Variants in CPNE4 observed in about 807,000 individuals in gnomAD.
CPNE4 encodes copine-4.
In CPNE4, 25 loss-of-function variants were observed where a neutral mutation model predicts 67.9. That is an observed-to-expected ratio of 0.37 (90% confidence interval 0.27 to 0.51). CPNE4 has a LOEUF of 0.51. Among genes scored for constraint, CPNE4 ranks in the 20% least tolerant of loss-of-function variants. The pLI is 0.93. For missense variants in CPNE4, 464 were observed against 690.8 expected, an observed-to-expected ratio of 0.67 and a Z score of 3.68; for synonymous variants, 242 against 244.9, an observed-to-expected ratio of 0.99 and a Z score of 0.11.
chr3:131,560,245 A>G (rs1286950881), intron 11 of CPNE4, among the ~76,000 whole-genome samples: 1 of 152,042 alleles, frequency 6.6e-6, no homozygotes, highest in Non-Finnish European at 1.5e-5. Context: ...ATTTACAATG[A>G]AGAAAACCAA....
intron 1 of CPNE4, among the ~76,000 whole-genome samples, chr3:131,908,531 C>T (rs1277771920): frequency 6.6e-6 from 1 of 152,124 alleles, no homozygotes; most frequent in African/African-American, 2.4e-5. Flanking sequence ...TCCTCTTCTG[C>T]AGCTTTCACT....
chr3:131,985,032 T>C (rs1383145521), intron 1 of CPNE4, among the ~76,000 whole-genome samples: 1 of 152,182 alleles, frequency 6.6e-6, no homozygotes, highest in Non-Finnish European at 1.5e-5. Context: ...ACAACAGAAA[T>C]TTACTTCTCA....
intron 2 of CPNE4, among the ~76,000 whole-genome samples, chr3:131,827,703 G>A (rs1239261142): frequency 6.6e-6 from 1 of 152,012 alleles, no homozygotes; most frequent in African/African-American, 2.4e-5. Flanking sequence ...TGGGTGTTGG[G>A]ATGGAAATGT....
intron 3 of CPNE4, among the ~76,000 whole-genome samples, chr3:131,701,856 G>GT (rs1560143030): frequency 1.3e-5 from 2 of 152,278 alleles, no homozygotes; most frequent in Admixed American, 6.5e-5. Context: ...CAAATGTTTG[G>GT]TTTTTTAAGC....
chr3:131,863,545 T>C (rs1443108150), intron 2 of CPNE4, among the ~76,000 whole-genome samples: 1 of 152,244 alleles, frequency 6.6e-6, no homozygotes, highest in African/African-American at 2.4e-5. Context: ...CGCCCACTTT[T>C]TGATGGGATT....
rs149667575 is a variant in CPNE4, at chr3:131,564,738, C to T, written c.928-389G>A. On this transcript the variant is annotated intron_variant, in intron 10 of 15. Coordinates refer to ENST00000429747, the MANE Select transcript of CPNE4 (RefSeq NM_130808.3). Reference sequence around the variant, plus strand: ...TCCCTGGGCAGAACAATTCCATCTACGCGGCATAGGTAAGATCCCTTAAAA... The same window carrying T: ...TCCCTGGGCAGAACAATTCCATCTATGCGGCATAGGTAAGATCCCTTAAAA... Among the ~76,000 whole-genome samples, 1,092 of 152,116 alleles carry T rather than the reference C, an allele frequency of 7.2e-3. 16 individuals are homozygous for T. Among genetic ancestry groups the T allele is most frequent in the African/African-American group, 0.025 (1,035 of 41,534 alleles).
At chr3:131,658,438 C>CA (rs2080036797) in intron 7 of CPNE4, among the ~76,000 whole-genome samples, 1 of 152,136 alleles carries the variant, frequency 6.6e-6, no homozygotes, top group Non-Finnish European at 1.5e-5. Context: ...TGGAAGTGTC[C>CA]AAAAGTATTT....
At chr3:131,861,049 A>C (rs552285887) in intron 2 of CPNE4, among the ~76,000 whole-genome samples, 3 of 152,340 alleles carry the variant, frequency 2.0e-5, no homozygotes, top group African/African-American at 7.2e-5. Flanking sequence ...AAGTACAATC[A>C]CACATATATT....
intron 2 of CPNE4, among the ~76,000 whole-genome samples, chr3:131,835,657 C>T (rs2085527388): frequency 6.6e-6 from 1 of 152,156 alleles, no homozygotes. Flanking sequence ...GTTCCCTTCT[C>T]ACTCCCCACC....
At chr3:131,875,131 A>G (rs2087384834) in intron 2 of CPNE4, among the ~76,000 whole-genome samples, 1 of 152,234 alleles carries the variant, frequency 6.6e-6, no homozygotes, top group Non-Finnish European at 1.5e-5. Context: ...CTGGGATTTC[A>G]TCTTTAAATT....
chr3:131,919,543 A>G (rs2070683013), intron 1 of CPNE4, among the ~76,000 whole-genome samples: 1 of 152,228 alleles, frequency 6.6e-6, no homozygotes, highest in African/African-American at 2.4e-5. Flanking sequence ...TGTGAATGCA[A>G]TGATGGGAGG....
chr3:132,037,478 G>T, upstream of CPNE4: 1 of 1,000,726 alleles, frequency 1.0e-6, no homozygotes, highest in Non-Finnish European at 1.5e-6. Flanking sequence ...TTCAATCACT[G>T]CCCCCACAGC....
intron 2 of CPNE4, among the ~76,000 whole-genome samples, chr3:131,773,626 G>A (rs1407583238): frequency 6.6e-6 from 1 of 152,058 alleles, no homozygotes; most frequent in Non-Finnish European, 1.5e-5. Context: ...GGGATTACAA[G>A]CGTGAGCCAC....
rs151161125 is a variant in CPNE4, at chr3:131,761,210, CTTTTTTTTTT to C, written c.181-37595_181-37586del. On this transcript the variant is annotated intron_variant, in intron 2 of 15. Transcript: ENST00000429747. ...AAGGCTTCTTCCACCTCACTTCGTA[CTTTTTTTTTT>C]TTTTTTTTTTTTAGAGAAAGGGTCT... is the stretch of plus-strand genomic sequence containing the variant. Among the ~76,000 whole-genome samples the C allele has an allele frequency of 3.3e-3, 393 of 119,464 alleles. 1 individual carries two copies. Among genetic ancestry groups the C allele is most frequent in the Admixed American group, 4.7e-3 (52 of 11,168 alleles). 78.4% of individuals were successfully genotyped at this position (119,464 alleles called of 152,430 possible).
At chr3:131,782,816 G>A (rs1416992741) in intron 2 of CPNE4, among the ~76,000 whole-genome samples, 1 of 152,118 alleles carries the variant, frequency 6.6e-6, no homozygotes, top group Non-Finnish European at 1.5e-5. Flanking sequence ...TCTCAGTGAA[G>A]TGAGTCCTCA....
At chr3:131,835,421 C>T (rs974761091) in intron 2 of CPNE4, among the ~76,000 whole-genome samples, 1 of 152,044 alleles carries the variant, frequency 6.6e-6, no homozygotes, top group African/African-American at 2.4e-5. Flanking sequence ...CTCAGCTACT[C>T]TGGAGGCTGA....
chr3:131,967,624 T>A (rs1218115818), intron 1 of CPNE4, among the ~76,000 whole-genome samples: 1 of 152,112 alleles, frequency 6.6e-6, no homozygotes, highest in African/African-American at 2.4e-5. Context: ...CCATTCACAA[T>A]TGCTACAAAT....
intron 15 of CPNE4, among the ~76,000 whole-genome samples, chr3:131,541,425 G>T (rs1935479970): frequency 6.6e-6 from 1 of 152,128 alleles, no homozygotes; most frequent in African/African-American, 2.4e-5. Context: ...TAATGGTTCT[G>T]CCTCAAGGCC....
At chr3:131,572,322 G>A (rs1937379594) in intron 10 of CPNE4, among the ~76,000 whole-genome samples, 2 of 152,094 alleles carry the variant, frequency 1.3e-5, no homozygotes, top group Admixed American at 1.3e-4. Flanking sequence ...CAGAAAGAGT[G>A]GGAGGGAGCA....
Sources: gnomAD v4.1 joint callset for allele counts (sites outside exome capture counted in the v4.1 genomes callset) on GRCh38, gnomAD v4.1.1 for gene constraint, MANE v1.5 for transcripts, NCBI Gene and HGNC (gene_info 2026-07-23, HGNC 2026-07-21) for gene names.